Variants in SMAD9 observed in about 807,000 individuals in gnomAD.
The protein encoded by SMAD9 is SMAD family member 9.
In SMAD9, 36 loss-of-function variants were observed where a neutral mutation model predicts 46.1. The ratio of observed to expected loss-of-function variants is 0.78; its 90% CI spans 0.60 to 1.03. The LOEUF is 1.03. Ranked by LOEUF, SMAD9 falls within the 50% of genes least tolerant of loss-of-function variation. SMAD9 has a pLI of 0.00. For missense variants in SMAD9, 572 were observed against 599.8 expected (o/e 0.95, Z 0.48); for synonymous variants, 245 against 237.1 (o/e 1.03, Z -0.31).
At chr13:36,877,232 C>T (rs578247313) in intron 2 of SMAD9, among the ~76,000 whole-genome samples, 1 of 152,138 alleles carries the variant, frequency 6.6e-6, no homozygotes, top group African/African-American at 2.4e-5. Flanking sequence ...CATGGTGGCA[C>T]GTGCCTGTAG....
chr13:36,918,925 C>T (rs2058719124), intron 1 of SMAD9, among the ~76,000 whole-genome samples: 1 of 152,200 alleles, frequency 6.6e-6, no homozygotes, highest in Admixed American at 6.5e-5. Flanking sequence ...CACGACTTAA[C>T]GGTCAGCCTC....
At chr13:36,865,500 G>C (rs763846770) in intron 5 of SMAD9, 37 bp downstream of exon 5, 2 of 1,535,196 alleles carry the variant, frequency 1.3e-6, no homozygotes, top group Non-Finnish European at 1.8e-6. Context: ...TCTACATTTC[G>C]GCTAGATGAC....
At chr13:36,860,163 C>T (rs918647644) in intron 5 of SMAD9, among the ~76,000 whole-genome samples, 7 of 152,038 alleles carry the variant, frequency 4.6e-5, no homozygotes, top group Admixed American at 1.3e-4. Flanking sequence ...TGGGTCAGGA[C>T]CGCTTTCCGG....
In SMAD9 at chr13:36,879,718, C is replaced by T. The variant is rs372569783; in HGVS notation, c.-29G>A. ...AGGCCACAGCAGGCTCCGGCGCGCA[C>T]GGGAACCGCACAGCCCTTCACGGCA... On this transcript the variant is annotated 5_prime_UTR_variant, in exon 2 of 7. The change creates a new upstream start codon in the 5' untranslated region. Coordinates refer to ENST00000379826, the MANE Select transcript of SMAD9 (RefSeq NM_001127217.3). 1.9e-6 allele frequency: 3 copies of T among 1,612,306 alleles called. No individual in the cohort carries two copies. Among genetic ancestry groups the T allele is most frequent in the African/African-American group, 2.7e-5 (2 of 75,018 alleles).
At chr13:36,910,716 AAACCTTCCCTGGAGGCCCCCAGGC>A (rs1388416313) in intron 1 of SMAD9, among the ~76,000 whole-genome samples, 1 of 152,166 alleles carries the variant, frequency 6.6e-6, no homozygotes, top group Non-Finnish European at 1.5e-5. Context: ...AACTTCCTGG[AAACCTTCCCTGGAGGCCCCCAGGC>A]AACAGCACTG....
intron 3 of SMAD9, among the ~76,000 whole-genome samples, chr13:36,871,490 C>T (rs922390470): frequency 6.6e-6 from 1 of 151,836 alleles, no homozygotes; most frequent in Admixed American, 6.6e-5. Flanking sequence ...TGCACTCCAA[C>T]CTGGGTGACA....
At chr13:36,899,509 G>A (rs997106193) in intron 1 of SMAD9, among the ~76,000 whole-genome samples, 2 of 152,170 alleles carry the variant, frequency 1.3e-5, no homozygotes, top group African/African-American at 4.8e-5. Flanking sequence ...AGATTTCTTG[G>A]GCACCTGAGC....
intron 2 of SMAD9, among the ~76,000 whole-genome samples, chr13:36,875,967 T>C (rs1246458716): frequency 7.2e-5 from 11 of 152,230 alleles, no homozygotes; most frequent in Non-Finnish European, 2.9e-5. Flanking sequence ...AGTTTCATCC[T>C]AGTTGTTATT....
intron 3 of SMAD9, among the ~76,000 whole-genome samples, chr13:36,869,293 G>C (rs1001821815): frequency 2.0e-5 from 3 of 151,566 alleles, no homozygotes; most frequent in Admixed American, 6.6e-5. Context: ...CACAATCTCA[G>C]CTCACTGCAG....
At chr13:36,886,526 A>T (rs1385245947) in intron 1 of SMAD9, among the ~76,000 whole-genome samples, 1 of 152,266 alleles carries the variant, frequency 6.6e-6, no homozygotes, top group Non-Finnish European at 1.5e-5. Flanking sequence ...GCTGAGCTGC[A>T]TGTCAGCCTC....
intron 5 of SMAD9, among the ~76,000 whole-genome samples, chr13:36,861,916 A>T (rs1403626830): frequency 6.6e-6 from 1 of 151,564 alleles, no homozygotes; most frequent in Non-Finnish European, 1.5e-5. Context: ...GTGACAGAGC[A>T]AGACTCCCGT....
At chr13:36,888,957 A>C (rs2058469419) in intron 1 of SMAD9, among the ~76,000 whole-genome samples, 1 of 152,166 alleles carries the variant, frequency 6.6e-6, no homozygotes, top group Non-Finnish European at 1.5e-5. Context: ...GAGGAGAAGA[A>C]GGGTGGAAGA....
chr13:36,907,735 A>G lies in SMAD9; in HGVS notation c.-187+12381T>C, dbSNP rs559142349. Among the ~76,000 whole-genome samples, 439 of 152,364 alleles carry G rather than the reference A, an allele frequency of 2.9e-3. 2 individuals are homozygous for G. Among genetic ancestry groups the G allele is most frequent in the Non-Finnish European group, 3.6e-3 (242 of 68,040 alleles). On this transcript the variant is annotated intron_variant, in intron 1 of 6. Transcript: ENST00000379826. ...ATTACTATTTATATTTTATCACAAT[A>G]AAGGAAAATCCTATCCAAATGTTAT...
intron 1 of SMAD9, among the ~76,000 whole-genome samples, chr13:36,905,165 C>T (rs1649622221): frequency 6.6e-6 from 1 of 152,116 alleles, no homozygotes. Context: ...GTTAAACATC[C>T]TACAAGTTGG....
chr13:36,882,327 A>C (rs1480063701), intron 1 of SMAD9, among the ~76,000 whole-genome samples: 1 of 152,028 alleles, frequency 6.6e-6, no homozygotes, highest in Non-Finnish European at 1.5e-5. Context: ...GGTTACAATA[A>C]AAAAGTTTGA....
upstream of SMAD9, chr13:36,920,361 G>C (rs1274080340): frequency 6.7e-6 from 1 of 150,326 alleles, no homozygotes; most frequent in Non-Finnish European, 1.5e-5. Flanking sequence ...CCGCAGAGGA[G>C]GGGGCTGCGC....
intron 1 of SMAD9, among the ~76,000 whole-genome samples, chr13:36,890,666 CATT>C (rs1388586868): frequency 1.3e-5 from 2 of 152,176 alleles, no homozygotes; most frequent in Admixed American, 6.5e-5. Flanking sequence ...ACTTTCTTCT[CATT>C]GTTGTAAAGT....
chr13:36,885,413 T>C (rs2058437040), intron 1 of SMAD9, among the ~76,000 whole-genome samples: 1 of 152,024 alleles, frequency 6.6e-6, no homozygotes, highest in Non-Finnish European at 1.5e-5. Flanking sequence ...GTATATTTAA[T>C]TCAAATTTGT....
At chr13:36,913,468 C>A (rs1429632304) in intron 1 of SMAD9, among the ~76,000 whole-genome samples, 3 of 152,106 alleles carry the variant, frequency 2.0e-5, no homozygotes, top group African/African-American at 7.2e-5. Flanking sequence ...AAAGTGATTG[C>A]TACACCCACA....
Sources: gnomAD v4.1 joint callset for allele counts (sites outside exome capture counted in the v4.1 genomes callset) on GRCh38, gnomAD v4.1.1 for gene constraint, MANE v1.5 for transcripts, NCBI Gene and HGNC (gene_info 2026-07-23, HGNC 2026-07-21) for gene names.